The following RAB38 variants were observed in gnomAD, a reference collection of about 807,000 sequenced individuals.
The protein encoded by RAB38 is RAB38, member RAS oncogene family.
Under a neutral mutation model 18.4 loss-of-function variants are expected in RAB38, and 15 were observed. The observed-to-expected ratio is 0.82, with a 90% CI of 0.55 to 1.26. The LOEUF (loss-of-function observed/expected upper bound fraction) is 1.26. RAB38 is among the 50% of genes most tolerant of loss of function. The probability of loss-of-function intolerance (pLI) is 0.00; values close to 1 mark genes in which losing one functional copy is unlikely to be tolerated. For synonymous variants in RAB38, 101 were observed against 104.4 expected (o/e 0.97, Z 0.20); for missense variants, 294 against 267.4 (o/e 1.10, Z -0.69).
chr11:87,819,203 A>G, the RAB38 span, among the ~76,000 whole-genome samples: 1 of 152,152 alleles, frequency 6.6e-6, no homozygotes, highest in East Asian at 1.9e-4. Context: ...GAATTTTGGT[A>G]TTGCTGAGAA....
At chr11:87,864,336 ATATAT>A in the RAB38 span, among the ~76,000 whole-genome samples, 2 of 150,018 alleles carry the variant, frequency 1.3e-5, no homozygotes, top group Non-Finnish European at 3.0e-5. Flanking sequence ...TTAATATGTT[ATATAT>A]TATATCATAT....
the RAB38 span, among the ~76,000 whole-genome samples, chr11:87,859,187 A>G: frequency 6.6e-6 from 1 of 151,892 alleles, no homozygotes; most frequent in African/African-American, 2.4e-5. Context: ...AAATAGGAAA[A>G]ATAAAAATTT....
At chr11:88,063,472 G>A in the RAB38 span, among the ~76,000 whole-genome samples, 16 of 152,192 alleles carry the variant, frequency 1.1e-4, no homozygotes, top group African/African-American at 3.6e-4. Flanking sequence ...TTTTCAGTAG[G>A]GACATGGAGA....
At chr11:87,885,896 T>G in the RAB38 span, among the ~76,000 whole-genome samples, 1 of 151,978 alleles carries the variant, frequency 6.6e-6, no homozygotes, top group Non-Finnish European at 1.5e-5. Flanking sequence ...TTTATAAACA[T>G]CTATTGAAGT....
At chr11:88,056,656 T>C in the RAB38 span, among the ~76,000 whole-genome samples, 1 of 151,804 alleles carries the variant, frequency 6.6e-6, no homozygotes, top group Admixed American at 6.6e-5. Flanking sequence ...CACAAAAAAT[T>C]AGACGAGCGA....
At chr11:88,134,089 T>C (rs1007771941) in intron 2 of RAB38, among the ~76,000 whole-genome samples, 4 of 152,208 alleles carry the variant, frequency 2.6e-5, no homozygotes, top group African/African-American at 7.2e-5. Context: ...TCTCCTGAAC[T>C]GCAGAATCAT....
intron 1 of RAB38, among the ~76,000 whole-genome samples, chr11:88,171,088 T>C (rs1943307029): frequency 1.3e-5 from 2 of 152,300 alleles, no homozygotes; most frequent in African/African-American, 2.4e-5. Context: ...AAAATGTATG[T>C]GAAAACAGTC....
intron 2 of RAB38, among the ~76,000 whole-genome samples, chr11:88,140,056 G>C (rs1942887507): frequency 6.6e-6 from 1 of 152,220 alleles, no homozygotes; most frequent in African/African-American, 2.4e-5. Flanking sequence ...GGAATGACTT[G>C]CATAATTCGG....
chr11:87,918,534 C>T, the RAB38 span, among the ~76,000 whole-genome samples: 1 of 152,004 alleles, frequency 6.6e-6, no homozygotes, highest in African/African-American at 2.4e-5. Context: ...ATATCTTTGC[C>T]AATACTTCTT....
intron 2 of RAB38, among the ~76,000 whole-genome samples, chr11:88,143,227 T>A (rs147462134): frequency 1.3e-3 from 202 of 152,336 alleles, no homozygotes; most frequent in African/African-American, 4.7e-3. Flanking sequence ...CAGTACTTAC[T>A]GTATAAGATT....
the RAB38 span, among the ~76,000 whole-genome samples, chr11:88,006,166 TAAAAAA>T: frequency 6.7e-6 from 1 of 148,936 alleles, no homozygotes; most frequent in African/African-American, 2.5e-5. Flanking sequence ...CCAACAGAAA[TAAAAAA>T]AAAAATGCTT....
At chr11:87,861,485 A>T in the RAB38 span, among the ~76,000 whole-genome samples, 1 of 151,934 alleles carries the variant, frequency 6.6e-6, no homozygotes, top group African/African-American at 2.4e-5. Flanking sequence ...GGCTACCAAC[A>T]GGTGAAAGTG....
chr11:88,141,939 C>G (rs1942921042), intron 2 of RAB38, among the ~76,000 whole-genome samples: 1 of 152,170 alleles, frequency 6.6e-6, no homozygotes, highest in Non-Finnish European at 1.5e-5. Flanking sequence ...TCTCTCCAAC[C>G]AACATGCCTG....
At chr11:88,043,083 A>T in the RAB38 span, among the ~76,000 whole-genome samples, 1 of 152,200 alleles carries the variant, frequency 6.6e-6, no homozygotes, top group Non-Finnish European at 1.5e-5. Context: ...CGTAACAAGT[A>T]TGAGACACAC....
chr11:87,842,187 C>G, the RAB38 span, among the ~76,000 whole-genome samples: 2 of 151,964 alleles, frequency 1.3e-5, no homozygotes, highest in African/African-American at 2.4e-5. Flanking sequence ...TAGCAGCTTA[C>G]TAGACCAGAA....
At chr11:87,850,384 C>A in the RAB38 span, among the ~76,000 whole-genome samples, 32 of 152,168 alleles carry the variant, frequency 2.1e-4, no homozygotes, top group African/African-American at 6.0e-4. Flanking sequence ...CTCCCTCATT[C>A]CCCTATAACT....
At chr11:87,955,873 G>GCACA in the RAB38 span, among the ~76,000 whole-genome samples, 2,388 of 148,590 alleles carry the variant, frequency 0.016, 40 homozygotes, top group African/African-American at 0.051. Flanking sequence ...CAAACAGTAT[G>GCACA]CACACACACA....
the RAB38 span, among the ~76,000 whole-genome samples, chr11:87,826,471 T>C: frequency 1.3e-5 from 2 of 152,150 alleles, no homozygotes; most frequent in African/African-American, 4.8e-5. Context: ...CATTGCTTTT[T>C]ATATATTTTT....
the RAB38 span, among the ~76,000 whole-genome samples, chr11:87,810,069 A>G: frequency 6.6e-6 from 1 of 152,132 alleles, no homozygotes; most frequent in African/African-American, 2.4e-5. Context: ...AATACTTCAA[A>G]ATTTCTGAAA....
Sources: allele counts gnomAD v4.1 joint callset (sites outside exome capture counted in the v4.1 genomes callset), GRCh38; gene constraint gnomAD v4.1.1; transcripts MANE v1.5; gene names NCBI Gene and HGNC (gene_info 2026-07-23, HGNC 2026-07-21).